The following DGLUCY variants were observed in gnomAD, a reference collection of about 807,000 sequenced individuals.
DGLUCY encodes D-glutamate cyclase, mitochondrial.
A neutral mutation model predicts 58.5 loss-of-function variants in DGLUCY; 58 were observed. The observed-to-expected ratio is 0.99, with a 90% confidence interval of 0.80 to 1.23. The LOEUF is 1.23. Ranked by LOEUF, DGLUCY falls within the 50% of genes most tolerant of loss-of-function variation. The probability of loss-of-function intolerance (pLI) is 0.00; values close to 1 mark genes in which losing one functional copy is unlikely to be tolerated. For missense variants in DGLUCY, 779 were observed against 784.7 expected, an observed-to-expected ratio of 0.99 and a Z score of 0.09; for synonymous variants, 325 against 314.1, an observed-to-expected ratio of 1.03 and a Z score of -0.37.
intron 1 of DGLUCY, among the ~76,000 whole-genome samples, chr14:91,090,167 C>T (rs2044287906): frequency 1.3e-5 from 2 of 152,162 alleles, no homozygotes; most frequent in East Asian, 3.9e-4. Flanking sequence ...CATTGCACCG[C>T]CACAGGGAGG....
At chr14:91,158,503 G>T (rs1263082140) in intron 2 of DGLUCY, among the ~76,000 whole-genome samples, 2 of 152,144 alleles carry the variant, frequency 1.3e-5, no homozygotes, top group Admixed American at 6.5e-5. Flanking sequence ...TGTTAAAATG[G>T]CCCTGGGGTT....
intron 5 of DGLUCY, among the ~76,000 whole-genome samples, chr14:91,171,757 G>A (rs2048585452): frequency 1.3e-5 from 2 of 152,204 alleles, no homozygotes; most frequent in Admixed American, 6.5e-5. Context: ...TGGGGTGGGG[G>A]AGCGAAACAC....
At chr14:91,142,223 C>G (rs965847940) in intron 1 of DGLUCY, among the ~76,000 whole-genome samples, 2 of 152,068 alleles carry the variant, frequency 1.3e-5, no homozygotes, top group Non-Finnish European at 2.9e-5. Flanking sequence ...TTATCTGACT[C>G]TAGAACTTGT....
chr14:91,165,799 T>A (rs184867768), intron 3 of DGLUCY, among the ~76,000 whole-genome samples: 7 of 152,350 alleles, frequency 4.6e-5, no homozygotes, highest in African/African-American at 1.7e-4. Flanking sequence ...TTTGGAAAAC[T>A]GCTTGGCAGT....
chr14:91,158,658 C>CTCAT (rs927050208), intron 2 of DGLUCY, among the ~76,000 whole-genome samples: 4 of 152,122 alleles, frequency 2.6e-5, no homozygotes, highest in African/African-American at 9.7e-5. Flanking sequence ...GAATCCTGCT[C>CTCAT]TCATTCATTC....
intron 1 of DGLUCY, chr14:91,148,659 G>A (rs959131160): frequency 6.6e-6 from 1 of 152,126 alleles, no homozygotes; most frequent in Non-Finnish European, 1.5e-5. Context: ...AGAAACTGAG[G>A]CCCTTGCTGG....
At chr14:91,094,435 CA>C (rs1274720296) in intron 1 of DGLUCY, among the ~76,000 whole-genome samples, 178 of 135,704 alleles carry the variant, frequency 1.3e-3, no homozygotes, top group Non-Finnish European at 1.4e-3. Flanking sequence ...ACTCTGTCCC[CA>C]AAAAAAAAAA....
intron 1 of DGLUCY, among the ~76,000 whole-genome samples, chr14:91,078,474 A>AT (rs2044067521): frequency 6.6e-6 from 1 of 152,036 alleles, no homozygotes; most frequent in African/African-American, 2.4e-5. Context: ...GTGAGGAAGA[A>AT]TTTTCCCCTG....
chr14:91,137,971 T>C (rs1303594640), intron 1 of DGLUCY, among the ~76,000 whole-genome samples: 3 of 152,120 alleles, frequency 2.0e-5, no homozygotes, highest in African/African-American at 7.2e-5. Flanking sequence ...GGGATATCAT[T>C]TTCTGAGCCC....
intron 7 of DGLUCY, among the ~76,000 whole-genome samples, chr14:91,178,892 G>A (rs1004022516): frequency 4.6e-5 from 7 of 152,216 alleles, no homozygotes; most frequent in South Asian, 2.1e-4. Flanking sequence ...TTAGCCAGGC[G>A]TGATGGCACA....
chr14:91,160,834 G>T (rs1335004653), intron 3 of DGLUCY, among the ~76,000 whole-genome samples: 1 of 152,104 alleles, frequency 6.6e-6, no homozygotes, highest in Non-Finnish European at 1.5e-5. Flanking sequence ...TGATACTGAA[G>T]GCTCTAAAAG....
At chr14:91,191,568 C>T (rs2049894928) in intron 9 of DGLUCY, among the ~76,000 whole-genome samples, 1 of 152,158 alleles carries the variant, frequency 6.6e-6, no homozygotes, top group South Asian at 2.1e-4. Context: ...TCCTTCCCAG[C>T]CTCATTCTCC....
At chr14:91,190,901 G>A (rs1241105497) in intron 9 of DGLUCY, among the ~76,000 whole-genome samples, 3 of 152,286 alleles carry the variant, frequency 2.0e-5, no homozygotes, top group Non-Finnish European at 2.9e-5. Context: ...GGGTGGAAAC[G>A]GGAGACTGGT....
intron 1 of DGLUCY, among the ~76,000 whole-genome samples, chr14:91,098,043 A>G (rs898678602): frequency 2.6e-5 from 4 of 152,252 alleles, no homozygotes; most frequent in Admixed American, 6.5e-5. Flanking sequence ...TGTTAGCCTG[A>G]TGGCACTGAA....
At chr14:91,175,317 C>T (rs2048795393) in intron 6 of DGLUCY, among the ~76,000 whole-genome samples, 1 of 152,114 alleles carries the variant, frequency 6.6e-6, no homozygotes, top group African/African-American at 2.4e-5. Context: ...GAGTTTGAGA[C>T]TGGGCCTTGG....
intron 8 of DGLUCY, among the ~76,000 whole-genome samples, chr14:91,181,977 A>G (rs1413114505): frequency 6.8e-6 from 1 of 147,516 alleles, no homozygotes; most frequent in Non-Finnish European, 1.5e-5. Context: ...TTATTTATTT[A>G]TTTATTTATT....
intron 12 of DGLUCY, among the ~76,000 whole-genome samples, chr14:91,209,418 C>A (rs1220042009): frequency 6.6e-6 from 1 of 151,918 alleles, no homozygotes; most frequent in African/African-American, 2.4e-5. Context: ...CTTAAAAAAT[C>A]AAGATTGAGG....
chr14:91,208,667 T>C (rs1320322827), intron 12 of DGLUCY, among the ~76,000 whole-genome samples: 1 of 152,212 alleles, frequency 6.6e-6, no homozygotes, highest in Non-Finnish European at 1.5e-5. Flanking sequence ...GCAGATCACC[T>C]GAGCCTGGGA....
intron 1 of DGLUCY, among the ~76,000 whole-genome samples, chr14:91,119,556 TCCAC>T (rs1397255073): frequency 6.6e-6 from 1 of 152,172 alleles, no homozygotes; most frequent in African/African-American, 2.4e-5. Flanking sequence ...GACCTCCTGT[TCCAC>T]TCACTCCCTA....
Sources: allele counts gnomAD v4.1 joint callset (sites outside exome capture counted in the v4.1 genomes callset), GRCh38; gene constraint gnomAD v4.1.1; transcripts MANE v1.5; gene names NCBI Gene and HGNC (gene_info 2026-07-23, HGNC 2026-07-21).